TTC34: variants seen among roughly 807,000 people sequenced by gnomAD.
The protein encoded by TTC34 is tetratricopeptide repeat protein 34.
A neutral mutation model predicts 40.7 loss-of-function variants in TTC34; 44 were observed. The ratio of observed to expected loss-of-function variants is 1.08; its 90% confidence interval spans 0.85 to 1.39. The LOEUF (loss-of-function observed/expected upper bound fraction) is 1.39, where lower values mean the gene tolerates loss of function less well. TTC34 is among the 40% of genes most tolerant of loss of function. The pLI, the probability that TTC34 is intolerant of heterozygous loss-of-function variation, is 0.00. For synonymous variants in TTC34, 422 were observed against 398.6 expected (o/e 1.06, Z -0.70); for missense variants, 884 against 838.0 (o/e 1.05, Z -0.68).
chr1:2,748,887 G>C (rs1369859954), intron 6 of TTC34, among the ~76,000 whole-genome samples: 1 of 131,970 alleles, frequency 7.6e-6, no homozygotes, highest in Non-Finnish European at 1.6e-5. Flanking sequence ...ACACCTTCAG[G>C]TGAGCATCTG....
chr1:2,645,586 GGT>G lies in TTC34; in HGVS notation c.2227-25_2227-24del. ...TTCCTGCAAGGAGGGAGGGCGGGCG[GGT>G]GCAGAGTTGTCCTAAGTAGAGAAAC... On this transcript the variant is annotated intron_variant, in intron 6 of 8. Coordinates refer to ENST00000401095, the Ensembl canonical transcript of TTC34. This position sits in a 1 kb window ranked among gnomAD's most constrained non-coding sequence, Gnocchi z 4.7. The G allele has an allele frequency of 5.6e-6, 2 of 354,778 alleles. No homozygotes were observed. The highest frequency in any genetic ancestry group is 2.1e-5 in the South Asian group (1 of 48,402). 22.0% of individuals were successfully genotyped at this position (354,778 alleles called of 1,614,324 possible). A position where few individuals can be genotyped will look rare whatever the true frequency, so the allele number is the denominator to read the frequency against.
At chr1:2,681,777 A>T (rs1640085371) in intron 6 of TTC34, among the ~76,000 whole-genome samples, 3 of 117,946 alleles carry the variant, frequency 2.5e-5, no homozygotes, top group Middle Eastern at 4.5e-3. Context: ...CTGGGTCGGC[A>T]CCCACACCCC....
intron 2 of TTC34, among the ~76,000 whole-genome samples, chr1:2,794,490 A>G (rs1643694955): frequency 6.6e-6 from 1 of 152,180 alleles, no homozygotes; most frequent in Admixed American, 6.5e-5. Flanking sequence ...ACAATGTCTA[A>G]TACCTTTTTG....
At chr1:2,782,333 A>T (rs1265617133) in intron 6 of TTC34, among the ~76,000 whole-genome samples, 1 of 152,140 alleles carries the variant, frequency 6.6e-6, no homozygotes, top group Non-Finnish European at 1.5e-5. Context: ...ATTTCTGTAG[A>T]ATTGGTAATA....
chr1:2,652,024 CG>C (rs1639152531), intron 6 of TTC34, among the ~76,000 whole-genome samples: 2 of 2,100 alleles, frequency 9.5e-4, no homozygotes, highest in African/African-American at 3.2e-3. Flanking sequence ...CACCTGACAT[CG>C]TGGAGCAGCA....
At chr1:2,644,538 T>G in intron 7 of TTC34, 60 bp from the exon 8 acceptor site, 1 of 1,458,032 alleles carries the variant, frequency 6.9e-7, no homozygotes, top group Non-Finnish European at 9.2e-7. Context: ...GCGAGAGAGC[T>G]GAGACTCGCT....
rs1396121350 is a variant in TTC34, at chr1:2,683,702, C to G, written c.2227-38139G>C. ...CAGGTGACGATCTGACAGCCTGGAA[C>G]AGCACCCACACCCCCAGGTGAGCAG... On this transcript the variant is annotated intron_variant, in intron 6 of 8. Transcript: ENST00000401095. 9.1e-4 allele frequency among the ~76,000 whole-genome samples: 136 copies of G among 149,216 alleles called. 6 individuals carry two copies. Among genetic ancestry groups the G allele is most frequent in the African/African-American group, 3.3e-3 (131 of 39,432 alleles).
intron 6 of TTC34, among the ~76,000 whole-genome samples, chr1:2,694,881 A>G (rs1212385787): frequency 1.4e-5 from 1 of 69,526 alleles, no homozygotes; most frequent in East Asian, 4.2e-4. Flanking sequence ...ACCACAGGTG[A>G]GCATCCGACA....
intron 6 of TTC34, among the ~76,000 whole-genome samples, chr1:2,749,227 G>A (rs1287195334): frequency 2.9e-5 from 2 of 69,672 alleles, no homozygotes; most frequent in East Asian, 4.9e-4. Flanking sequence ...CTGACAACCT[G>A]GAGCAGCACC....
rs1285131126 is a variant in TTC34 at position 2,748,214 on chromosome 1, C to T, written c.2226+35395G>A. ...AGAACCCAGAACCCCAGGCGAGCAT[C>T]TGACAGCCTGGAACAGCACCCACAA... is the stretch of plus-strand genomic sequence containing the variant. On this transcript the variant is annotated intron_variant, in intron 6 of 8. Coordinates refer to ENST00000401095, the Ensembl canonical transcript of TTC34. 2.1e-5 allele frequency among the ~76,000 whole-genome samples: 2 copies of T among 93,438 alleles called. 1 individual carries two copies. Among genetic ancestry groups the T allele is most frequent in the African/African-American group, 1.3e-4 (2 of 14,846 alleles). 61.3% of individuals were successfully genotyped at this position (93,438 alleles called of 152,430 possible).
chr1:2,756,090 G>T (rs1341969577), intron 6 of TTC34, among the ~76,000 whole-genome samples: 1 of 74,604 alleles, frequency 1.3e-5, no homozygotes, highest in African/African-American at 1.0e-4. Flanking sequence ...TGACAGCGTG[G>T]AACAGCACCC....
chr1:2,695,161 G>GTGCGC (rs1640804700), intron 6 of TTC34, among the ~76,000 whole-genome samples: 1 of 74,824 alleles, frequency 1.3e-5, no homozygotes, highest in Non-Finnish European at 2.9e-5. Flanking sequence ...GCACCCCCAG[G>GTGCGC]AGAGCATCTG....
chr1:2,698,465 C>G (rs1196912032), intron 6 of TTC34, among the ~76,000 whole-genome samples: 1 of 122,704 alleles, frequency 8.1e-6, no homozygotes, highest in African/African-American at 3.2e-5. Flanking sequence ...GGGCATGTGA[C>G]AGCCTGGATC....
intron 6 of TTC34, among the ~76,000 whole-genome samples, chr1:2,652,200 CT>C (rs1262582449): frequency 1.4e-4 from 3 of 20,692 alleles, no homozygotes; most frequent in Non-Finnish European, 3.6e-4. Context: ...GAACAGCACC[CT>C]GCACCCCCAA....
At position 2,694,873 on chromosome 1, in the gene TTC34, C is replaced by A. The variant is rs572001951; in HGVS notation, c.2227-49310G>T. Among the ~76,000 whole-genome samples, 6 of 116,756 alleles carry A rather than the reference C, an allele frequency of 5.1e-5. No homozygotes were observed. The South Asian group carries it at 1.6e-3, about 31-fold the overall frequency. 76.6% of individuals were successfully genotyped at this position (116,756 alleles called of 152,430 possible). A position where few individuals can be genotyped will look rare whatever the true frequency, so the allele number is the denominator to read the frequency against. On this transcript the variant is annotated intron_variant, in intron 6 of 8. Coordinates refer to ENST00000401095, the Ensembl canonical transcript of TTC34. The stretch of plus-strand genomic sequence containing the variant: ...GATGGTCTGGAGCAGCACCCACAAC[C>A]ACAGGTGAGCATCCGACAGCCTGGA...
At chr1:2,759,686 C>CGA (rs1641629022) in intron 6 of TTC34, among the ~76,000 whole-genome samples, 2 of 37,870 alleles carry the variant, frequency 5.3e-5, no homozygotes, top group African/African-American at 1.0e-4. Flanking sequence ...CAACCCCAGG[C>CGA]TTGCATCCGA....
At chr1:2,759,251 G>C (rs1336598114) in intron 6 of TTC34, among the ~76,000 whole-genome samples, 9 of 33,596 alleles carry the variant, frequency 2.7e-4, no homozygotes, top group East Asian at 1.3e-3. Context: ...CGGTGCGCAC[G>C]TGACAGCCTG....
intron 7 of TTC34, among the ~76,000 whole-genome samples, 193 bp from the exon 8 acceptor site, chr1:2,644,671 C>T (rs1638983061): frequency 6.6e-6 from 1 of 152,180 alleles, no homozygotes; most frequent in Admixed American, 6.5e-5. Context: ...TCACCTCTGA[C>T]CCCACTCCAT....
At chr1:2,750,547 C>A (rs1641281735) in intron 6 of TTC34, among the ~76,000 whole-genome samples, 1 of 151,924 alleles carries the variant, frequency 6.6e-6, no homozygotes, top group Non-Finnish European at 1.5e-5. Context: ...ATCCGACAGC[C>A]TGGGGCAGCA....
Sources: gnomAD v4.1 joint callset for allele counts (sites outside exome capture counted in the v4.1 genomes callset) on GRCh38, gnomAD v4.1.1 for gene constraint, Gnocchi (gnomAD v3.1) non-coding constraint, MANE v1.5 for transcripts, NCBI Gene and HGNC (gene_info 2026-07-23, HGNC 2026-07-21) for gene names.